The following TFCP2 variants were observed in gnomAD, a reference collection of about 807,000 sequenced individuals.
TFCP2 encodes the protein alpha-globin transcription factor CP2.
In TFCP2, 33 loss-of-function variants were observed where a neutral mutation model predicts 73.4. The observed-to-expected ratio is 0.45, with a 90% CI of 0.34 to 0.60. The LOEUF (loss-of-function observed/expected upper bound fraction) is 0.60. Ranked by LOEUF, TFCP2 falls within the 20% of genes least tolerant of loss-of-function variation. The pLI, the probability that TFCP2 is intolerant of heterozygous loss-of-function variation, is 0.01. For synonymous variants in TFCP2, 193 were observed against 211.6 expected, an observed-to-expected ratio of 0.91 and a Z score of 0.76; for missense variants, 352 against 604.0, an observed-to-expected ratio of 0.58 and a Z score of 4.37.
At chr12:51,110,739 A>C in intron 5 of TFCP2, 138 bp downstream of exon 5, 1 of 592,400 alleles carries the variant, frequency 1.7e-6, no homozygotes, top group Non-Finnish European at 3.0e-6. Flanking sequence ...TCTCAGGCAC[A>C]GGTTAAAGAG....
intron 1 of TFCP2, among the ~76,000 whole-genome samples, chr12:51,167,878 C>T (rs921071301): frequency 6.6e-6 from 1 of 151,616 alleles, no homozygotes; most frequent in African/African-American, 2.4e-5. Flanking sequence ...CTGAGCAACA[C>T]AGCAAGATCT....
chr12:51,145,161 A>G (rs963087342), intron 1 of TFCP2, among the ~76,000 whole-genome samples: 26 of 149,288 alleles, frequency 1.7e-4, no homozygotes, highest in African/African-American at 6.2e-4. Flanking sequence ...AGATCACATC[A>G]CTGCACTCCA....
At chr12:51,104,387 TGAG>T (rs1261881873) in intron 8 of TFCP2, among the ~76,000 whole-genome samples, 184 bp from the exon 9 acceptor site, 1 of 152,152 alleles carries the variant, frequency 6.6e-6, no homozygotes, top group Admixed American at 6.6e-5. Context: ...AAAGACTTTA[TGAG>T]GAGGGGGAGA....
At chr12:51,111,334 T>C (rs1449350731) in intron 4 of TFCP2, among the ~76,000 whole-genome samples, 1 of 151,922 alleles carries the variant, frequency 6.6e-6, no homozygotes, top group Non-Finnish European at 1.5e-5. Flanking sequence ...TTAGTAGAGA[T>C]GGGGTTTCAC....
intron 2 of TFCP2, 68 bp downstream of exon 2, chr12:51,118,553 C>T: frequency 6.4e-7 from 1 of 1,567,488 alleles, no homozygotes; most frequent in Admixed American, 1.8e-5. Flanking sequence ...TCAAAACAAA[C>T]AAACAAACAA....
At chr12:51,154,333 A>G (rs1208337817) in intron 1 of TFCP2, among the ~76,000 whole-genome samples, 1 of 152,206 alleles carries the variant, frequency 6.6e-6, no homozygotes, top group Non-Finnish European at 1.5e-5. Flanking sequence ...AAGTTAATTT[A>G]TAAATTAGGC....
Position 51,130,512 on chromosome 12 carries a change from C to T in TFCP2, c.123-11740G>A, listed in dbSNP as rs74821060. Among the ~76,000 whole-genome samples the T allele has an allele frequency of 5.7e-4, 86 of 152,100 alleles. 3 individuals carry two copies. The East Asian group carries it at 0.015, about 27-fold the overall frequency. On this transcript the variant is annotated intron_variant, in intron 1 of 14. Transcript: ENST00000257915. ...CTGCATTGGACTGTGTTTAGGGATC[C>T]TATTTATTATTAGAAAATGCTAACT...
intron 1 of TFCP2, among the ~76,000 whole-genome samples, chr12:51,142,270 A>G (rs1941212659): frequency 1.3e-5 from 2 of 151,062 alleles, no homozygotes; most frequent in South Asian, 4.2e-4. Context: ...ATTGGGATAT[A>G]CTGTGGATGA....
intron 1 of TFCP2, among the ~76,000 whole-genome samples, chr12:51,166,756 C>T (rs1941765971): frequency 6.6e-6 from 1 of 152,190 alleles, no homozygotes; most frequent in Non-Finnish European, 1.5e-5. Context: ...ACTGCCAAGC[C>T]CTATTTTCAG....
At chr12:51,107,377 AG>A (rs35839616) in intron 6 of TFCP2, 31 bp from the exon 7 acceptor site, 34 of 1,574,686 alleles carry the variant, frequency 2.2e-5, no homozygotes, top group Non-Finnish European at 2.9e-5. Context: ...TTTTAAATTC[AG>A]GTACTCACCT....
At chr12:51,096,454 C>T (rs543896482) in intron 13 of TFCP2, among the ~76,000 whole-genome samples, 6 of 152,304 alleles carry the variant, frequency 3.9e-5, no homozygotes, top group Middle Eastern at 3.4e-3. Context: ...ACTCCCTTCT[C>T]CCAAGATAAA....
intron 1 of TFCP2, among the ~76,000 whole-genome samples, chr12:51,162,323 G>A (rs948039393): frequency 8.6e-5 from 13 of 151,946 alleles, no homozygotes; most frequent in African/African-American, 2.7e-4. Flanking sequence ...GCCCATGGCT[G>A]TAGTCCCCGC....
intron 13 of TFCP2, among the ~76,000 whole-genome samples, chr12:51,098,238 T>A (rs1448259253): frequency 6.6e-6 from 1 of 152,212 alleles, no homozygotes; most frequent in East Asian, 1.9e-4. Context: ...AATGTCATTA[T>A]ATATGCCCAG....
intron 1 of TFCP2, among the ~76,000 whole-genome samples, chr12:51,133,698 G>A (rs191486008): frequency 2.0e-4 from 30 of 152,158 alleles, no homozygotes; most frequent in Middle Eastern, 3.4e-3. Flanking sequence ...AGGCTGAGGC[G>A]GGCAGATCAC....
intron 3 of TFCP2, among the ~76,000 whole-genome samples, chr12:51,116,634 T>A (rs74718236): frequency 6.6e-6 from 1 of 152,076 alleles, no homozygotes; most frequent in Non-Finnish European, 1.5e-5. Flanking sequence ...TTTTTTTTTT[T>A]TGAAACAGAT....
At chr12:51,149,789 C>A (rs900373081) in intron 1 of TFCP2, among the ~76,000 whole-genome samples, 3 of 151,970 alleles carry the variant, frequency 2.0e-5, no homozygotes, top group African/African-American at 4.8e-5. Context: ...TTAGTAGAGA[C>A]GGGGTTTCGC....
At chr12:51,125,266 C>T in intron 1 of TFCP2, 1 of 576,588 alleles carries the variant, frequency 1.7e-6, no homozygotes, top group East Asian at 4.3e-5. Flanking sequence ...ACCACAATGT[C>T]CTGTCATTTT....
Position 51,110,733 on chromosome 12 carries a change from A to G in TFCP2, c.564+144T>C, listed in dbSNP as rs886824927. On this transcript the variant is annotated intron_variant, in intron 5 of 14. Coordinates refer to ENST00000257915, the MANE Select transcript of TFCP2 (RefSeq NM_005653.5). ...AATTCAGAAACTCCTCAATGCTCTC[A>G]GGCACAGGTTAAAGAGCCTGGGCTT... The G allele has an allele frequency of 1.2e-5, 7 of 575,090 alleles. No homozygotes were observed. In the African/African-American group the frequency reaches 1.3e-4, roughly 11 times the overall value. The allele number at this position is 575,090 out of a possible 1,614,324, so 35.6% of individuals were successfully genotyped here. A position where few individuals can be genotyped will look rare whatever the true frequency, so the allele number is the denominator to read the frequency against.
At position 51,109,160 on chromosome 12, in the gene TFCP2, C is replaced by T. The variant is rs1566203367; in HGVS notation, c.678G>A (p.Glu226=). 6.2e-7 allele frequency: 1 copy of T among 1,614,204 alleles called. No individual in the cohort carries two copies. Among genetic ancestry groups the T allele is most frequent in the East Asian group, 2.2e-5 (1 of 44,886 alleles). Residue 226 remains glutamate, a synonymous_variant, in exon 6 of 15, where the codon GAG becomes GAA. Transcript: ENST00000257915. ...FKENENGEYT[E]HLHSASCQIK... is the part of the protein sequence containing the mutation. Reference sequence around the variant, plus strand: ...TCTGGCAGCTGGCCGAGTGTAAGTGCTCAGTATATTCCCCGTTTTCATTCT... The same window carrying T: ...TCTGGCAGCTGGCCGAGTGTAAGTGTTCAGTATATTCCCCGTTTTCATTCT...
Sources: allele counts gnomAD v4.1 joint callset (sites outside exome capture counted in the v4.1 genomes callset), GRCh38; gene constraint gnomAD v4.1.1; transcripts MANE v1.5; gene names NCBI Gene and HGNC (gene_info 2026-07-23, HGNC 2026-07-21).